ADAMTSL1: variants seen among roughly 807,000 people sequenced by gnomAD.
ADAMTSL1 encodes ADAMTS-like protein 1.
A neutral mutation model predicts 201.8 loss-of-function variants in ADAMTSL1; 126 were observed. That is an observed-to-expected ratio of 0.62 (90% confidence interval 0.54 to 0.72). The LOEUF (loss-of-function observed/expected upper bound fraction) is 0.72. Among genes scored for constraint, ADAMTSL1 ranks in the 30% least tolerant of loss-of-function variants. The pLI is 0.00. For missense variants in ADAMTSL1, 2,679 were observed against 2,277.8 expected (o/e 1.18, Z -3.59); for synonymous variants, 1,121 against 903.4 (o/e 1.24, Z -4.32).
At chr9:17,963,087 C>A (rs1227675094) in intron 1 of ADAMTSL1, among the ~76,000 whole-genome samples, 1 of 152,218 alleles carries the variant, frequency 6.6e-6, no homozygotes, top group Non-Finnish European at 1.5e-5. Flanking sequence ...TTCATTTGAA[C>A]AATTCCATTA....
intron 2 of ADAMTSL1, among the ~76,000 whole-genome samples, chr9:18,301,526 A>T (rs1379119584): frequency 6.6e-6 from 1 of 152,188 alleles, no homozygotes; most frequent in Admixed American, 6.5e-5. Context: ...ACAGTAAGAA[A>T]GTAACAACAA....
intron 15 of ADAMTSL1, among the ~76,000 whole-genome samples, chr9:18,726,948 G>A (rs1432579028): frequency 6.6e-6 from 1 of 152,154 alleles, no homozygotes; most frequent in East Asian, 1.9e-4. Flanking sequence ...CTTAGAACCA[G>A]CAAGAGCTAT....
chr9:18,179,905 C>G lies in ADAMTSL1; in HGVS notation c.207+15924C>G, dbSNP rs1828376416. 2.0e-5 allele frequency among the ~76,000 whole-genome samples: 3 copies of G among 152,120 alleles called. 1 individual carries two copies. Among genetic ancestry groups the G allele is most frequent in the Middle Eastern group, 6.8e-3 (2 of 294 alleles). On this transcript the variant is annotated intron_variant, in intron 2 of 29. Coordinates refer to the ADAMTSL1 transcript ENST00000680146. The stretch of plus-strand genomic sequence containing the variant: ...AAACATGGAAAGGAACAACAAGTAC[C>G]AGCCACTGCAAAATCATGCCAAATT...
At position 18,164,409 on chromosome 9, in the gene ADAMTSL1, C is replaced by T. The variant is rs566625386; in HGVS notation, c.207+428C>T. Among the ~76,000 whole-genome samples, 197 of 151,810 alleles carry T rather than the reference C, an allele frequency of 1.3e-3. 1 individual carries two copies. Among genetic ancestry groups the T allele is most frequent in the Middle Eastern group, 6.8e-3 (2 of 294 alleles). ...TTGTAGATATTCTTACTTCAAAGTG[C>T]TAGTGATATTTGTTTTATGAAAGTT... On this transcript the variant is annotated intron_variant, in intron 2 of 29. Transcript: ENST00000680146.
intron 1 of ADAMTSL1, among the ~76,000 whole-genome samples, chr9:18,038,711 G>C (rs938485571): frequency 1.3e-5 from 2 of 152,184 alleles, no homozygotes; most frequent in Non-Finnish European, 2.9e-5. Flanking sequence ...TTTCTCAGCT[G>C]TCTGTCTTCT....
At chr9:18,087,167 AT>A (rs1322806434) in intron 1 of ADAMTSL1, among the ~76,000 whole-genome samples, 15 of 152,042 alleles carry the variant, frequency 9.9e-5, no homozygotes, top group Non-Finnish European at 2.1e-4. Flanking sequence ...ATTGTAGTTA[AT>A]TTCAGTCATA....
intron 1 of ADAMTSL1, among the ~76,000 whole-genome samples, chr9:17,939,120 T>A (rs1460340246): frequency 6.6e-6 from 1 of 152,132 alleles, no homozygotes; most frequent in African/African-American, 2.4e-5. Context: ...TCATAGCTTA[T>A]TTATACAGTT....
At chr9:18,330,017 A>T (rs1157472967) in intron 2 of ADAMTSL1, among the ~76,000 whole-genome samples, 1 of 152,236 alleles carries the variant, frequency 6.6e-6, no homozygotes, top group South Asian at 2.1e-4. Flanking sequence ...TCTCATCTGC[A>T]TAAGGGGGTT....
intron 1 of ADAMTSL1, among the ~76,000 whole-genome samples, chr9:18,120,152 T>C (rs1350189377): frequency 6.6e-6 from 1 of 152,160 alleles, no homozygotes; most frequent in Admixed American, 6.6e-5. Flanking sequence ...ATCTGAAAAC[T>C]TGACTGGGCC....
intron 4 of ADAMTSL1, among the ~76,000 whole-genome samples, chr9:18,604,536 T>C (rs7023368): frequency 0.034 from 5,234 of 152,286 alleles, 194 homozygotes; most frequent in African/African-American, 0.089. Flanking sequence ...TTTGTCTGGT[T>C]TATTTTACTT....
intron 19 of ADAMTSL1, among the ~76,000 whole-genome samples, chr9:18,781,691 A>G (rs1437219414): frequency 2.6e-5 from 4 of 152,148 alleles, no homozygotes; most frequent in Admixed American, 1.3e-4. Context: ...GTCCAGTGTT[A>G]TAGTTCAGTT....
At chr9:18,388,731 G>A (rs748634714) in intron 2 of ADAMTSL1, among the ~76,000 whole-genome samples, 10 of 149,544 alleles carry the variant, frequency 6.7e-5, no homozygotes, top group Non-Finnish European at 1.5e-4. Flanking sequence ...TTTTGTTGTT[G>A]TTGTTGTTGT....
intron 2 of ADAMTSL1, among the ~76,000 whole-genome samples, chr9:18,334,551 TA>T (rs1835153122): frequency 6.6e-6 from 1 of 152,206 alleles, no homozygotes; most frequent in Non-Finnish European, 1.5e-5. Context: ...TTAGTCCTAA[TA>T]GTGGTGCTAT....
intron 2 of ADAMTSL1, among the ~76,000 whole-genome samples, chr9:18,432,982 C>T (rs1175418624): frequency 2.0e-5 from 3 of 152,126 alleles, no homozygotes; most frequent in Non-Finnish European, 4.4e-5. Flanking sequence ...AAATATGCAA[C>T]ACTGTCTAAT....
intron 20 of ADAMTSL1, among the ~76,000 whole-genome samples, chr9:18,806,605 T>G (rs891445346): frequency 2.0e-5 from 3 of 152,180 alleles, no homozygotes; most frequent in Non-Finnish European, 2.9e-5. Flanking sequence ...TCAATCACCT[T>G]TATATTAGGC....
At chr9:18,287,792 A>T (rs573584440) in intron 2 of ADAMTSL1, among the ~76,000 whole-genome samples, 1 of 152,146 alleles carries the variant, frequency 6.6e-6, no homozygotes, top group East Asian at 1.9e-4. Context: ...TCCAGTTGGG[A>T]AGGATCCCAC....
In ADAMTSL1 at chr9:18,255,619, A is replaced by G. The variant is rs555744212; in HGVS notation, c.207+91638A>G. 7.2e-5 allele frequency among the ~76,000 whole-genome samples: 11 copies of G among 152,376 alleles called. No homozygotes were observed. The South Asian group carries it at 2.1e-3, about 29-fold the overall frequency. Reference sequence around the variant, plus strand: ...GAATAAAGGTGTGAAATATGAACCAATCATAAATATAGTGGTTTCCTCTCT... The same window carrying G: ...GAATAAAGGTGTGAAATATGAACCAGTCATAAATATAGTGGTTTCCTCTCT... On this transcript the variant is annotated intron_variant, in intron 2 of 29. Transcript: ENST00000680146.
intron 4 of ADAMTSL1, among the ~76,000 whole-genome samples, chr9:18,608,604 CA>C (rs1307460797): frequency 6.6e-6 from 1 of 152,080 alleles, no homozygotes; most frequent in Non-Finnish European, 1.5e-5. Context: ...AGTGATTCAG[CA>C]AAATGTAACT....
At chr9:18,507,272 C>T (rs943404203) in intron 2 of ADAMTSL1, among the ~76,000 whole-genome samples, 2 of 152,138 alleles carry the variant, frequency 1.3e-5, no homozygotes, top group African/African-American at 4.8e-5. Context: ...ACCACATTAG[C>T]ATATTACCTC....
Sources: allele counts gnomAD v4.1 joint callset (sites outside exome capture counted in the v4.1 genomes callset), GRCh38; gene constraint gnomAD v4.1.1; transcripts MANE v1.5; gene names NCBI Gene and HGNC (gene_info 2026-07-23, HGNC 2026-07-21).